The following ABCB1 variants were observed in gnomAD, a reference collection of about 807,000 sequenced individuals.
The protein encoded by ABCB1 is ATP binding cassette subfamily B member 1, also known as ATP-dependent translocase ABCB1.
A neutral mutation model predicts 142.0 loss-of-function variants in ABCB1; 69 were observed. That is an observed-to-expected ratio of 0.49 (90% CI 0.40 to 0.59). The LOEUF (loss-of-function observed/expected upper bound fraction) is 0.59, where lower values mean the gene tolerates loss of function less well. Ranked by LOEUF, ABCB1 falls within the 20% of genes least tolerant of loss-of-function variation. The pLI is 0.00. For synonymous variants in ABCB1, 532 were observed against 539.2 expected, an observed-to-expected ratio of 0.99 and a Z score of 0.18; for missense variants, 1,326 against 1,554.7, an observed-to-expected ratio of 0.85 and a Z score of 2.47.
intron 22 of ABCB1, among the ~76,000 whole-genome samples, chr7:87,520,407 C>T (rs971757854): frequency 6.6e-6 from 1 of 152,044 alleles, no homozygotes; most frequent in African/African-American, 2.4e-5. Flanking sequence ...CAGGTAAACC[C>T]AGGAAGCACC....
chr7:87,645,027 G>A (rs558486397), intron 1 of ABCB1, among the ~76,000 whole-genome samples: 1 of 151,400 alleles, frequency 6.6e-6, no homozygotes, highest in Non-Finnish European at 1.5e-5. Context: ...AAGGGAAAAA[G>A]GTAGTCCATG....
chr7:87,658,666 T>G (rs1469071285), intron 1 of ABCB1, among the ~76,000 whole-genome samples: 3 of 152,112 alleles, frequency 2.0e-5, no homozygotes, highest in Non-Finnish European at 4.4e-5. Context: ...AGTAAGCAAT[T>G]GAATGACAGT....
intron 1 of ABCB1, among the ~76,000 whole-genome samples, chr7:87,615,907 T>C (rs995373395): frequency 6.6e-6 from 1 of 152,208 alleles, no homozygotes. Flanking sequence ...AAATATTTTT[T>C]CCTGATGGGG....
At chr7:87,524,269 A>G (rs10280101) in intron 21 of ABCB1, among the ~76,000 whole-genome samples, 1 of 152,118 alleles carries the variant, frequency 6.6e-6, no homozygotes, top group African/African-American at 2.4e-5. Flanking sequence ...TATGTTTACC[A>G]CAAGATACTT....
intron 21 of ABCB1, 28 bp downstream of exon 21, chr7:87,531,266 T>A (rs2117129499): frequency 6.4e-7 from 1 of 1,570,098 alleles, no homozygotes; most frequent in Non-Finnish European, 8.8e-7. Flanking sequence ...CTCTACTTAA[T>A]TAATCAATCA....
chr7:87,557,611 C>A (rs1162020271), intron 8 of ABCB1, among the ~76,000 whole-genome samples: 1 of 152,122 alleles, frequency 6.6e-6, no homozygotes, highest in Non-Finnish European at 1.5e-5. Context: ...TGTGTAAGTC[C>A]ATTTGTTTAT....
rs558591799 is a variant in ABCB1, at chr7:87,650,366, C to T, written c.-330-49288G>A. Among the ~76,000 whole-genome samples the T allele has an allele frequency of 8.5e-5, 13 of 152,090 alleles. No homozygotes were observed. The East Asian group carries it at 1.4e-3, about 16-fold the overall frequency. ...TTCTGCAGGCTGGGAAGGCTGAGAT[C>T]GGGGCACCATCAGATTGGGTGTCTG... On this transcript the variant is annotated intron_variant, in intron 1 of 28. Coordinates refer to the ABCB1 transcript ENST00000265724.
chr7:87,524,148 A>C (rs989020910), intron 21 of ABCB1, among the ~76,000 whole-genome samples: 2 of 152,096 alleles, frequency 1.3e-5, no homozygotes, highest in African/African-American at 4.8e-5. Flanking sequence ...ACTAATATCA[A>C]AATCTATCAG....
chr7:87,568,775 G>A (rs1432920019), intron 5 of ABCB1, among the ~76,000 whole-genome samples: 4 of 152,154 alleles, frequency 2.6e-5, no homozygotes, highest in African/African-American at 9.7e-5. Context: ...CTATCTAAGT[G>A]TTCATGATAC....
chr7:87,662,552 G>T (rs975114486), intron 1 of ABCB1, among the ~76,000 whole-genome samples: 20 of 151,970 alleles, frequency 1.3e-4, no homozygotes, highest in Admixed American at 9.8e-4. Context: ...TGTCAAAAAT[G>T]AGTTAACTGT....
intron 18 of ABCB1, 49 bp from the exon 19 acceptor site, chr7:87,539,394 A>G (rs766955289): frequency 1.9e-5 from 29 of 1,554,876 alleles, no homozygotes; most frequent in Non-Finnish European, 2.5e-5. Flanking sequence ...CATTTAAATA[A>G]AAGGAGGGAG....
Position 87,504,414 on chromosome 7 carries a change from G to A in ABCB1, c.3672C>T (p.Gly1224=). 6.2e-7 allele frequency: 1 copy of A among 1,614,086 alleles called. No homozygotes were observed. Among genetic ancestry groups the A allele is most frequent in the Non-Finnish European group, 8.5e-7 (1 of 1,179,974 alleles). ...GGTGAGCAATCACAATGCAGGTGCGGCCTTCTCTGGCTTTGTCCAGGGCTT... is the reference window on the plus strand; with the variant it reads ...GGTGAGCAATCACAATGCAGGTGCGACCTTCTCTGGCTTTGTCCAGGGCTT... ...VQEALDKARE[G]RTCIVIAHRL... is the part of the protein sequence containing the mutation. Residue 1224 remains glycine, a synonymous_variant, in exon 28 of 28, where the codon GGC becomes GGT. Transcript: ENST00000622132.
At chr7:87,703,915 T>TTTTG (rs1829350212) in intron 1 of ABCB1, among the ~76,000 whole-genome samples, 1 of 18,530 alleles carries the variant, frequency 5.4e-5, no homozygotes, top group African/African-American at 2.1e-4. Context: ...TTTTTTTTGG[T>TTTTG]TTTTTTTTTT....
intron 1 of ABCB1, chr7:87,628,804 G>A: frequency 8.2e-7 from 1 of 1,226,680 alleles, no homozygotes; most frequent in Non-Finnish European, 1.0e-6. Context: ...AGACAAAAGG[G>A]GCACGGGGGT....
intron 1 of ABCB1, chr7:87,629,405 G>GT (rs1161236021): frequency 6.5e-6 from 1 of 153,300 alleles, no homozygotes; most frequent in Non-Finnish European, 1.5e-5. Flanking sequence ...CATTTCACAC[G>GT]TTAGTTGAGT....
At chr7:87,618,324 A>T (rs1445619225) in intron 1 of ABCB1, among the ~76,000 whole-genome samples, 2 of 152,198 alleles carry the variant, frequency 1.3e-5, no homozygotes, top group Non-Finnish European at 2.9e-5. Context: ...TTTGCTCACC[A>T]TTGTACACCC....
intron 1 of ABCB1, among the ~76,000 whole-genome samples, chr7:87,684,477 T>A (rs1827241704): frequency 6.6e-6 from 1 of 151,976 alleles, no homozygotes; most frequent in African/African-American, 2.4e-5. Flanking sequence ...AGCTTATACG[T>A]ATAGATAAAT....
At chr7:87,652,530 G>C (rs1263284799) in intron 1 of ABCB1, among the ~76,000 whole-genome samples, 1 of 151,398 alleles carries the variant, frequency 6.6e-6, no homozygotes, top group Non-Finnish European at 1.5e-5. Context: ...CTAAGATATA[G>C]TAAGAAAGCT....
intron 3 of ABCB1, among the ~76,000 whole-genome samples, chr7:87,590,426 T>C (rs1211767376): frequency 6.6e-6 from 1 of 152,172 alleles, no homozygotes; most frequent in Non-Finnish European, 1.5e-5. Context: ...GTGATAAATA[T>C]TCAGGAGAAA....
Sources: gnomAD v4.1 joint callset for allele counts (sites outside exome capture counted in the v4.1 genomes callset) on GRCh38, gnomAD v4.1.1 for gene constraint, MANE v1.5 for transcripts, NCBI Gene and HGNC (gene_info 2026-07-23, HGNC 2026-07-21) for gene names.